Variants in SPAG17 observed in about 807,000 individuals in gnomAD.
SPAG17 encodes the protein sperm-associated antigen 17.
In SPAG17, 169 loss-of-function variants were observed where a neutral mutation model predicts 273.6. That is an observed-to-expected ratio of 0.62 (90% CI 0.55 to 0.70). The LOEUF (loss-of-function observed/expected upper bound fraction) is 0.70. Ranked by LOEUF, SPAG17 falls within the 30% of genes least tolerant of loss-of-function variation. The probability of loss-of-function intolerance (pLI) is 0.00; values close to 1 mark genes in which losing one functional copy is unlikely to be tolerated. For synonymous variants in SPAG17, 825 were observed against 873.2 expected, an observed-to-expected ratio of 0.94 and a Z score of 0.97; for missense variants, 2,557 against 2,627.8, an observed-to-expected ratio of 0.97 and a Z score of 0.59.
chr1:118,047,565 G>C (rs565306059), intron 20 of SPAG17, among the ~76,000 whole-genome samples: 3 of 152,148 alleles, frequency 2.0e-5, no homozygotes, highest in East Asian at 3.9e-4. Flanking sequence ...TCAACCTCTA[G>C]GTCCTTCCTG....
intron 4 of SPAG17, among the ~76,000 whole-genome samples, chr1:118,114,978 T>TGGG (rs1205423831): frequency 6.6e-6 from 1 of 152,152 alleles, no homozygotes; most frequent in Non-Finnish European, 1.5e-5. Context: ...CAACTGTCCT[T>TGGG]TTCATATTTA....
At chr1:118,062,075 A>G (rs1652357342) in intron 18 of SPAG17, among the ~76,000 whole-genome samples, 1 of 151,996 alleles carries the variant, frequency 6.6e-6, no homozygotes, top group Non-Finnish European at 1.5e-5. Context: ...TAGATATAAT[A>G]TTAAAGAAAA....
intron 32 of SPAG17, among the ~76,000 whole-genome samples, chr1:118,001,963 G>C (rs999592584): frequency 6.6e-6 from 1 of 152,150 alleles, no homozygotes; most frequent in African/African-American, 2.4e-5. Flanking sequence ...GGCATTTAGT[G>C]CTACAAATTT....
intron 40 of SPAG17, among the ~76,000 whole-genome samples, chr1:117,987,541 T>C (rs1557870370): frequency 6.6e-6 from 1 of 152,208 alleles, no homozygotes. Context: ...TATGACTGTG[T>C]TCTGCATTAA....
intron 1 of SPAG17, among the ~76,000 whole-genome samples, chr1:118,155,592 C>T (rs1157179721): frequency 2.6e-5 from 4 of 152,090 alleles, no homozygotes; most frequent in Admixed American, 2.6e-4. Context: ...AGTCCTATAC[C>T]CAGAACTGAA....
At chr1:117,957,677 AT>A (rs1652416585) in intron 48 of SPAG17, among the ~76,000 whole-genome samples, 1 of 152,216 alleles carries the variant, frequency 6.6e-6, no homozygotes, top group Non-Finnish European at 1.5e-5. Flanking sequence ...TTATTAAAAC[AT>A]TATGATTTTT....
intron 18 of SPAG17, 122 bp from the exon 19 acceptor site, chr1:118,056,036 T>A: frequency 1.4e-6 from 1 of 718,540 alleles, no homozygotes; most frequent in South Asian, 2.3e-5. Context: ...GAATACATCC[T>A]AGATGTATTT....
At chr1:118,068,065 CGTTTTTGTTTTCAA>C (rs1348995940) in intron 17 of SPAG17, among the ~76,000 whole-genome samples, 15 of 151,652 alleles carry the variant, frequency 9.9e-5, no homozygotes, top group African/African-American at 2.9e-4. Context: ...TGTGGGCTTT[CGTTTTTGTTTTCAA>C]TATCAATTTG....
At chr1:118,012,438 A>G in intron 29 of SPAG17, 66 bp from the exon 30 acceptor site, 2 of 1,533,664 alleles carry the variant, frequency 1.3e-6, no homozygotes, top group Admixed American at 4.0e-5. Flanking sequence ...ACTTATTTTT[A>G]TCCATTGAAT....
chr1:118,031,119 AGT>A (rs35930713), intron 25 of SPAG17, among the ~76,000 whole-genome samples: 24 of 147,450 alleles, frequency 1.6e-4, no homozygotes, highest in South Asian at 2.2e-4. Context: ...TTAGAGTCAA[AGT>A]GTGTGTGTGT....
intron 29 of SPAG17, among the ~76,000 whole-genome samples, chr1:118,013,938 A>T (rs1421900638): frequency 6.6e-6 from 1 of 152,204 alleles, no homozygotes; most frequent in Non-Finnish European, 1.5e-5. Context: ...AAAGTTATAC[A>T]TCTGGTAAGG....
chr1:118,079,471 T>A (rs934646768), intron 15 of SPAG17, among the ~76,000 whole-genome samples: 3 of 152,050 alleles, frequency 2.0e-5, no homozygotes, highest in Non-Finnish European at 4.4e-5. Context: ...ATTCATGGGT[T>A]TTTATGATTA....
intron 20 of SPAG17, among the ~76,000 whole-genome samples, chr1:118,052,656 C>A (rs1221306796): frequency 6.6e-6 from 1 of 151,646 alleles, no homozygotes; most frequent in Non-Finnish European, 1.5e-5. Flanking sequence ...TGTTGTACAC[C>A]AGAAATAGAT....
chr1:118,184,492 A>C (rs1661089106), intron 1 of SPAG17, among the ~76,000 whole-genome samples: 1 of 152,154 alleles, frequency 6.6e-6, no homozygotes, highest in Admixed American at 6.5e-5. Context: ...GTTGGCCGCC[A>C]ACCCCTCATT....
intron 45 of SPAG17, 65 bp downstream of exon 45, chr1:117,971,798 G>T: frequency 1.4e-6 from 2 of 1,397,598 alleles, no homozygotes; most frequent in South Asian, 2.8e-5. Flanking sequence ...TGATGGAGGT[G>T]ACCAAAGACA....
rs763372241 is a variant in SPAG17 at position 118,185,167 on chromosome 1, G to C, written c.-10C>G. The C allele has an allele frequency of 4.3e-6, 7 of 1,610,566 alleles. No individual in the cohort carries two copies. In the South Asian group the frequency reaches 6.6e-5, roughly 15 times the overall value. On this transcript the variant is annotated 5_prime_UTR_variant, in exon 1 of 49. Coordinates refer to ENST00000336338, the MANE Select transcript of SPAG17 (RefSeq NM_206996.4). ...CCTTCTTGGGTGCCATGCAAAGGAC[G>C]GGAGAAGCATTGGCCTCTAAACTGG...
At chr1:118,156,184 T>C (rs1324023110) in intron 1 of SPAG17, among the ~76,000 whole-genome samples, 1 of 152,212 alleles carries the variant, frequency 6.6e-6, no homozygotes, top group African/African-American at 2.4e-5. Context: ...GTAATCCTTA[T>C]TTAGGAATTG....
At chr1:117,959,580 G>C in intron 48 of SPAG17, 3 of 1,000,988 alleles carry the variant, frequency 3.0e-6, no homozygotes, top group Non-Finnish European at 1.4e-6. Context: ...ATCAGGATGT[G>C]GTTTCCAGCT....
chr1:118,022,848 C>G (rs893017419), intron 28 of SPAG17, among the ~76,000 whole-genome samples: 1 of 152,132 alleles, frequency 6.6e-6, no homozygotes, highest in Non-Finnish European at 1.5e-5. Context: ...CTTTTGCTTC[C>G]TGATGAACAG....
Sources: allele counts gnomAD v4.1 joint callset (sites outside exome capture counted in the v4.1 genomes callset), GRCh38; gene constraint gnomAD v4.1.1; transcripts MANE v1.5; gene names NCBI Gene and HGNC (gene_info 2026-07-23, HGNC 2026-07-21).